Variants in TMEM39B observed in about 807,000 individuals in gnomAD.
TMEM39B encodes the protein transmembrane protein 39B.
In TMEM39B, 23 loss-of-function variants were observed where a neutral mutation model predicts 52.2. That is an observed-to-expected ratio of 0.44 (90% CI 0.32 to 0.62). The LOEUF (loss-of-function observed/expected upper bound fraction) is 0.62, where lower values mean the gene tolerates loss of function less well. Ranked by LOEUF, TMEM39B falls within the 20% of genes least tolerant of loss-of-function variation. TMEM39B has a pLI of 0.06. For missense variants in TMEM39B, 547 were observed against 642.0 expected (o/e 0.85, Z 1.60); for synonymous variants, 285 against 264.0 (o/e 1.08, Z -0.77).
intron 8 of TMEM39B, among the ~76,000 whole-genome samples, chr1:32,101,907 C>T (rs1048535813): frequency 6.6e-6 from 1 of 152,062 alleles, no homozygotes; most frequent in Non-Finnish European, 1.5e-5. Context: ...CCCTTGGCAG[C>T]TTCCAGCCTA....
At position 32,075,782 on chromosome 1, in the gene TMEM39B, G is replaced by A; in HGVS notation, c.311G>A (p.Trp104Ter). The change falls in exon 3 of 9, where the codon TGG (tryptophan) becomes TAG (stop). Residue 104 changes from tryptophan to a stop codon, truncating the protein, a stop_gained. Coordinates refer to ENST00000336294, the MANE Select transcript of TMEM39B (RefSeq NM_018056.4). LOFTEE classifies it high-confidence loss of function. ...VHYINIYKTV[W>*]WYPPSHPPSH... ...TACATCAACATCTACAAGACAGTGT[G>A]GTGGTATCCACCTTCCCACCCACCC... 6.5e-7 allele frequency: 1 copy of A among 1,540,222 alleles called. No individual in the cohort carries two copies. Among genetic ancestry groups the A allele is most frequent in the Non-Finnish European group, 8.8e-7 (1 of 1,138,162 alleles).
intron 6 of TMEM39B, 44 bp from the exon 7 acceptor site, chr1:32,094,740 C>T: frequency 6.2e-7 from 1 of 1,605,180 alleles, no homozygotes; most frequent in Non-Finnish European, 8.5e-7. Flanking sequence ...GGAATGAGGC[C>T]ATTATGGGGA....
chr1:32,081,082 C>A (rs1011088207), intron 5 of TMEM39B, among the ~76,000 whole-genome samples: 1 of 152,058 alleles, frequency 6.6e-6, no homozygotes, highest in Admixed American at 6.6e-5. Context: ...ATCCCGCCTC[C>A]AGATTTTTAG....
At chr1:32,085,557 C>T (rs929824810) in intron 5 of TMEM39B, among the ~76,000 whole-genome samples, 1 of 152,036 alleles carries the variant, frequency 6.6e-6, no homozygotes, top group African/African-American at 2.4e-5. Flanking sequence ...TCAAGACCAG[C>T]CTGGCCAACA....
At chr1:32,077,959 T>G (rs1393555666) in intron 5 of TMEM39B, among the ~76,000 whole-genome samples, 2 of 152,150 alleles carry the variant, frequency 1.3e-5, no homozygotes, top group African/African-American at 4.8e-5. Flanking sequence ...AGAACTTTGG[T>G]GAGGTGTTGG....
intron 7 of TMEM39B, 135 bp from the exon 8 acceptor site, chr1:32,100,307 C>T (rs1014586778): frequency 2.0e-6 from 2 of 1,009,506 alleles, no homozygotes; most frequent in African/African-American, 1.6e-5. Flanking sequence ...CAACTGAAAC[C>T]CAGAAAAGGA....
Position 32,096,622 on chromosome 1 carries a change from G to A in TMEM39B, c.1115+1651G>A, listed in dbSNP as rs554942350. ...ATTACAGGTGTGCACCACCACACCCGGCTAATTTTTACGTTTTTAGTAGAG... is the reference window on the plus strand; with the variant it reads ...ATTACAGGTGTGCACCACCACACCCAGCTAATTTTTACGTTTTTAGTAGAG... On this transcript the variant is annotated intron_variant, in intron 7 of 8. Transcript: ENST00000336294. Among the ~76,000 whole-genome samples the A allele has an allele frequency of 3.3e-5, 5 of 151,580 alleles. No individual in the cohort carries two copies. In the East Asian group the frequency reaches 7.8e-4, roughly 24 times the overall value.
intron 8 of TMEM39B, chr1:32,100,788 G>A: frequency 3.9e-6 from 2 of 515,356 alleles, no homozygotes; most frequent in South Asian, 2.0e-5. Flanking sequence ...CACTTTGGGA[G>A]ACCAAGGCAG....
intron 4 of TMEM39B, 28 bp downstream of exon 4, chr1:32,076,874 G>A (rs572606462): frequency 1.9e-6 from 3 of 1,611,792 alleles, no homozygotes; most frequent in African/African-American, 1.3e-5. Flanking sequence ...GCTGGCCAGG[G>A]ACTTTGGGAT....
chr1:32,089,229 G>C (rs540189319), intron 5 of TMEM39B, among the ~76,000 whole-genome samples: 1 of 145,714 alleles, frequency 6.9e-6, no homozygotes, highest in East Asian at 2.1e-4. Context: ...CTTGAACCCC[G>C]CTAGGATCAG....
At chr1:32,079,714 T>G (rs1389811470) in intron 5 of TMEM39B, among the ~76,000 whole-genome samples, 3 of 152,136 alleles carry the variant, frequency 2.0e-5, no homozygotes. Context: ...ATTTTTTTAA[T>G]GGCCTCGCAG....
intron 1 of TMEM39B, chr1:32,073,270 G>C (rs558552190): frequency 4.7e-5 from 27 of 573,112 alleles, no homozygotes; most frequent in Middle Eastern, 1.0e-3. Context: ...CTAAGACGAA[G>C]CCCTGTGGGG....
At position 32,091,910 on chromosome 1, in the gene TMEM39B, G is replaced by T; in HGVS notation, c.826G>T (p.Glu276Ter). The T allele has an allele frequency of 6.2e-7, 1 of 1,614,234 alleles. No homozygotes were observed. Among genetic ancestry groups the T allele is most frequent in the East Asian group, 2.2e-5 (1 of 44,884 alleles). The change falls in exon 6 of 9, where the codon GAG becomes TAG. Residue 276 changes from glutamate (E) to a stop codon, truncating the protein, a stop_gained. Transcript: ENST00000336294. LOFTEE classifies it high-confidence loss of function. ...ACCCAGCCTCATCCGCAGTGAGGTGGAGTTCCTCAAGATGGACTTCAACTG... is the reference window on the plus strand; with the variant it reads ...ACCCAGCCTCATCCGCAGTGAGGTGTAGTTCCTCAAGATGGACTTCAACTG... ...LSPSLIRSEV[E>*]FLKMDFNWRM...
chr1:32,098,547 A>G (rs1317931651), intron 7 of TMEM39B, among the ~76,000 whole-genome samples: 1 of 151,840 alleles, frequency 6.6e-6, no homozygotes, highest in African/African-American at 2.4e-5. Flanking sequence ...CCTGGCTAAC[A>G]CGGTGAAACC....
rs142093054 is a variant in TMEM39B at position 32,089,726 on chromosome 1, A to C, written c.591-1949A>C. 6.8e-3 allele frequency among the ~76,000 whole-genome samples: 1,008 copies of C among 147,414 alleles called. 5 individuals carry two copies. Among genetic ancestry groups the C allele is most frequent in the African/African-American group, 0.023 (920 of 39,900 alleles). On this transcript the variant is annotated intron_variant, in intron 5 of 8. Coordinates refer to ENST00000336294, the MANE Select transcript of TMEM39B (RefSeq NM_018056.4). ...CAGTGGTGTGATCTCGGCTCATTGC[A>C]ACCTCTGCCTCCTGAAATGTAGCAT...
chr1:32,077,717 T>C (rs4576694), intron 5 of TMEM39B, among the ~76,000 whole-genome samples: 11,786 of 152,224 alleles, frequency 0.077, 706 homozygotes, highest in South Asian at 0.25. Flanking sequence ...TCCCTGAGTC[T>C]GTGTGCCAGC....
intron 5 of TMEM39B, among the ~76,000 whole-genome samples, chr1:32,085,759 A>AAT (rs1553119888): frequency 6.6e-6 from 1 of 152,016 alleles, no homozygotes; most frequent in African/African-American, 2.4e-5. Flanking sequence ...TCAAAAAAAA[A>AAT]AAAAAAATTC....
Position 32,074,967 on chromosome 1 carries a change from C to T in TMEM39B, c.21C>T (p.Pro7=). 6.4e-7 allele frequency: 1 copy of T among 1,551,362 alleles called. No individual in the cohort carries two copies. Among genetic ancestry groups the T allele is most frequent in the Non-Finnish European group, 8.7e-7 (1 of 1,146,864 alleles). MGGRRG[P]NRTSYCRNPL... The stretch of plus-strand genomic sequence containing the variant: ...GCCCCACAGGAGGACGAAGAGGTCC[C>T]AACAGGACATCTTACTGTCGAAATC... Residue 7 remains proline, a synonymous_variant, in exon 2 of 9, where the codon CCC becomes CCT. Coordinates refer to ENST00000336294, the MANE Select transcript of TMEM39B (RefSeq NM_018056.4).
Position 32,075,060 on chromosome 1 carries a change from T to C in TMEM39B, c.114T>C (p.Ser38=). 6.4e-7 allele frequency: 1 copy of C among 1,551,134 alleles called. No individual in the cohort carries two copies. Among genetic ancestry groups the C allele is most frequent in the Non-Finnish European group, 8.7e-7 (1 of 1,146,732 alleles). ...ACACTTCCAGTGCATCGGTGACCAGTGTTCGTTCCCGCACCAGGTAAACCA... is the reference window on the plus strand; with the variant it reads ...ACACTTCCAGTGCATCGGTGACCAGCGTTCGTTCCCGCACCAGGTAAACCA... ...GSHTSSASVT[S]VRSRTRSSSG... The change falls in exon 2 of 9, where the codon AGT becomes AGC. Residue 38 remains serine (S), a synonymous_variant. Coordinates refer to ENST00000336294, the MANE Select transcript of TMEM39B (RefSeq NM_018056.4).
Sources: gnomAD v4.1 joint callset for allele counts (sites outside exome capture counted in the v4.1 genomes callset) on GRCh38, gnomAD v4.1.1 for gene constraint, MANE v1.5 for transcripts, NCBI Gene and HGNC (gene_info 2026-07-23, HGNC 2026-07-21) for gene names.